ST6GALNAC3: variants seen among roughly 807,000 people sequenced by gnomAD.
ST6GALNAC3 encodes ST6 N-acetylgalactosaminide alpha-2,6-sialyltransferase 3.
In ST6GALNAC3, 25 loss-of-function variants were observed where a neutral mutation model predicts 32.7. The observed-to-expected ratio is 0.76, with a 90% CI of 0.56 to 1.07. ST6GALNAC3 has a LOEUF of 1.07. Among genes scored for constraint, ST6GALNAC3 ranks in the 50% least tolerant of loss-of-function variants. ST6GALNAC3 has a pLI of 0.00. For synonymous variants in ST6GALNAC3, 129 were observed against 133.1 expected (o/e 0.97, Z 0.21); for missense variants, 355 against 382.4 (o/e 0.93, Z 0.60).
intron 1 of ST6GALNAC3, among the ~76,000 whole-genome samples, chr1:76,303,094 C>T (rs1223413909): frequency 2.0e-5 from 2 of 102,198 alleles, no homozygotes; most frequent in African/African-American, 5.4e-5. Flanking sequence ...TTACAAAGGT[C>T]ACAGTCCTAT....
At chr1:76,364,248 C>A (rs1444020110) in intron 2 of ST6GALNAC3, among the ~76,000 whole-genome samples, 2 of 152,118 alleles carry the variant, frequency 1.3e-5, no homozygotes, top group Non-Finnish European at 2.9e-5. Context: ...ACACTCATAC[C>A]TTTTAAAAAG....
At chr1:76,176,106 TATGTGGTTTGTGGCTTGAAAAGTTTTCTA>T (rs1172079400) in intron 1 of ST6GALNAC3, among the ~76,000 whole-genome samples, 1 of 152,218 alleles carries the variant, frequency 6.6e-6, no homozygotes, top group Non-Finnish European at 1.5e-5. Flanking sequence ...CTCCCTAAGA[TATGTGGTTTGTGGCTTGAAAAGTTTTCTA>T]ATGCCTTCCC....
intron 3 of ST6GALNAC3, among the ~76,000 whole-genome samples, chr1:76,619,770 T>G (rs1297815804): frequency 6.6e-6 from 1 of 152,146 alleles, no homozygotes; most frequent in Non-Finnish European, 1.5e-5. Flanking sequence ...TGTACCAGGT[T>G]AGGGGATAGA....
chr1:76,362,926 A>ACC (rs1181663726), intron 2 of ST6GALNAC3, among the ~76,000 whole-genome samples: 1 of 152,162 alleles, frequency 6.6e-6, no homozygotes, highest in Non-Finnish European at 1.5e-5. Flanking sequence ...GGTCTGGAGG[A>ACC]CAGTGGCTGT....
At chr1:76,097,375 T>A (rs1647152751) in intron 1 of ST6GALNAC3, among the ~76,000 whole-genome samples, 1 of 152,152 alleles carries the variant, frequency 6.6e-6, no homozygotes, top group Non-Finnish European at 1.5e-5. Context: ...GCTGTTCTCG[T>A]GATAGTGAGT....
chr1:76,205,500 G>A lies in ST6GALNAC3; in HGVS notation c.19-108305G>A, dbSNP rs533668574. On this transcript the variant is annotated intron_variant, in intron 1 of 4. Transcript: ENST00000328299. ...TGGTGGATATGATAGAGGGGATGAG[G>A]AGAGGAAATGGATCAGTGACATTCC... is the stretch of plus-strand genomic sequence containing the variant. Among the ~76,000 whole-genome samples, 4 of 152,252 alleles carry A rather than the reference G, an allele frequency of 2.6e-5. No homozygotes were observed. In the South Asian group the frequency reaches 6.2e-4, roughly 24 times the overall value.
intron 3 of ST6GALNAC3, among the ~76,000 whole-genome samples, chr1:76,483,187 G>A (rs1247921058): frequency 1.3e-5 from 2 of 152,098 alleles, no homozygotes; most frequent in African/African-American, 2.4e-5. Context: ...ATAAACATAC[G>A]TGTGCATGTG....
intron 2 of ST6GALNAC3, among the ~76,000 whole-genome samples, chr1:76,352,016 G>A (rs114680043): frequency 2.1e-3 from 317 of 152,186 alleles, no homozygotes; most frequent in Non-Finnish European, 3.3e-3. Context: ...TAGATAACGA[G>A]TTTAACTGCA....
At chr1:76,546,082 T>A (rs996825760) in intron 3 of ST6GALNAC3, among the ~76,000 whole-genome samples, 3 of 152,214 alleles carry the variant, frequency 2.0e-5, no homozygotes, top group African/African-American at 7.2e-5. Context: ...CTCTGTACTT[T>A]CCAATTTGGA....
At position 76,550,709 on chromosome 1, in the gene ST6GALNAC3, A is replaced by G. The variant is rs1184396373; in HGVS notation, c.624-76743A>G. On this transcript the variant is annotated intron_variant, in intron 3 of 4. Coordinates refer to ENST00000328299, the MANE Select transcript of ST6GALNAC3 (RefSeq NM_152996.4). Reference sequence around the variant, plus strand: ...TATCTGTAAAATGGTGACAATAATCATATCTAACTTATAATGGATAAAAAG... The same window carrying G: ...TATCTGTAAAATGGTGACAATAATCGTATCTAACTTATAATGGATAAAAAG... 2.6e-5 allele frequency among the ~76,000 whole-genome samples: 4 copies of G among 152,202 alleles called. No individual in the cohort carries two copies. In the South Asian group the frequency reaches 6.2e-4, roughly 24 times the overall value.
At chr1:76,560,333 G>A (rs1227575303) in intron 3 of ST6GALNAC3, among the ~76,000 whole-genome samples, 2 of 152,010 alleles carry the variant, frequency 1.3e-5, no homozygotes. Context: ...ATGGACAAAT[G>A]GGATCACCTC....
rs960508464 is a variant in ST6GALNAC3 at position 76,434,772 on chromosome 1, T to G, written c.623+22355T>G. ...ACTAGAAGATGACTTTTTACTGCCT[T>G]TTTTTTTCTCTGTTTTTTTTTTTTT... On this transcript the variant is annotated intron_variant, in intron 3 of 4. Coordinates refer to ENST00000328299, the MANE Select transcript of ST6GALNAC3 (RefSeq NM_152996.4). Among the ~76,000 whole-genome samples, 11 of 150,266 alleles carry G rather than the reference T, an allele frequency of 7.3e-5. No individual in the cohort carries two copies. In the East Asian group the frequency reaches 2.1e-3, roughly 29 times the overall value.
intron 1 of ST6GALNAC3, among the ~76,000 whole-genome samples, chr1:76,160,477 T>C (rs528396134): frequency 6.6e-6 from 1 of 152,308 alleles, no homozygotes; most frequent in South Asian, 2.1e-4. Context: ...AGTGCTGGCT[T>C]CTTGTGGTTT....
Position 76,365,722 on chromosome 1 carries a change from C to A in ST6GALNAC3, c.214-46286C>A, listed in dbSNP as rs74092908. Among the ~76,000 whole-genome samples the A allele has an allele frequency of 5.4e-3, 820 of 152,208 alleles. 10 individuals carry two copies. The highest frequency in any genetic ancestry group is 0.019 in the African/African-American group (777 of 41,544). ...AAAAATAAGTCCTAGAATTCTTTTA[C>A]AATAATGACAAGCATGGCCTTTCAA... is the stretch of plus-strand genomic sequence containing the variant. On this transcript the variant is annotated intron_variant, in intron 2 of 4. Coordinates refer to ENST00000328299, the MANE Select transcript of ST6GALNAC3 (RefSeq NM_152996.4).
intron 3 of ST6GALNAC3, among the ~76,000 whole-genome samples, chr1:76,498,740 C>T (rs1357634980): frequency 6.9e-6 from 1 of 145,696 alleles, no homozygotes; most frequent in East Asian, 2.1e-4. Flanking sequence ...AAAAAAAAAA[C>T]GGAGAAGAAA....
chr1:76,224,110 T>G (rs1553166958), intron 1 of ST6GALNAC3, among the ~76,000 whole-genome samples: 1 of 152,188 alleles, frequency 6.6e-6, no homozygotes, highest in Non-Finnish European at 1.5e-5. Context: ...CTTCCATACT[T>G]CTCTGCCTTT....
intron 1 of ST6GALNAC3, among the ~76,000 whole-genome samples, chr1:76,203,066 A>G (rs1212720571): frequency 1.3e-5 from 2 of 152,222 alleles, no homozygotes; most frequent in Non-Finnish European, 2.9e-5. Context: ...GATTAAAAAA[A>G]TTACAAAAGT....
At chr1:76,149,030 C>T (rs1401035412) in intron 1 of ST6GALNAC3, among the ~76,000 whole-genome samples, 3 of 152,158 alleles carry the variant, frequency 2.0e-5, no homozygotes, top group African/African-American at 7.2e-5. Flanking sequence ...ACAATGCTTG[C>T]CTCATCATAT....
chr1:76,102,492 T>C (rs1302235817), intron 1 of ST6GALNAC3, among the ~76,000 whole-genome samples: 1 of 152,120 alleles, frequency 6.6e-6, no homozygotes, highest in East Asian at 1.9e-4. Context: ...TCTCCTCTTT[T>C]TCTCCCTTCT....
Sources: allele counts gnomAD v4.1 joint callset (sites outside exome capture counted in the v4.1 genomes callset), GRCh38; gene constraint gnomAD v4.1.1; transcripts MANE v1.5; gene names NCBI Gene and HGNC (gene_info 2026-07-23, HGNC 2026-07-21).